The following SOCS2 variants were observed in gnomAD, a reference collection of about 807,000 sequenced individuals.
SOCS2 encodes the protein suppressor of cytokine signaling 2.
Under a neutral mutation model 18.6 loss-of-function variants are expected in SOCS2, and 10 were observed. The observed-to-expected ratio is 0.54, with a 90% confidence interval of 0.33 to 0.91. SOCS2 has a LOEUF of 0.91. SOCS2 is among the 40% of genes least tolerant of loss of function. SOCS2 has a pLI of 0.02. For synonymous variants in SOCS2, 104 were observed against 104.0 expected (o/e 1.00, Z 0.00); for missense variants, 231 against 247.2 (o/e 0.93, Z 0.44).
the SOCS2 span, among the ~76,000 whole-genome samples, chr12:93,597,465 G>A: frequency 2.6e-5 from 4 of 151,828 alleles, no homozygotes; most frequent in African/African-American, 7.3e-5. Flanking sequence ...ACAGTTGTGC[G>A]CCACCACACC....
upstream of SOCS2, chr12:93,570,313 A>T (rs978871613): frequency 6.6e-6 from 1 of 152,580 alleles, no homozygotes; most frequent in East Asian, 1.9e-4. Context: ...TGCGGGTGAC[A>T]AGGAGCCGGA....
the SOCS2 span, among the ~76,000 whole-genome samples, chr12:93,619,107 C>T: frequency 3.9e-5 from 6 of 152,182 alleles, no homozygotes; most frequent in Non-Finnish European, 5.9e-5. Flanking sequence ...CTATCCCCAC[C>T]GGTAGAACTG....
chr12:93,613,140 T>A, the SOCS2 span, among the ~76,000 whole-genome samples: 1 of 152,174 alleles, frequency 6.6e-6, no homozygotes. Flanking sequence ...GAAGCCAATA[T>A]CTGAAGGCTC....
the SOCS2 span, among the ~76,000 whole-genome samples, chr12:93,588,939 TGATA>T: frequency 1.3e-5 from 2 of 152,176 alleles, no homozygotes; most frequent in Non-Finnish European, 2.9e-5. Context: ...GTGAATTTGT[TGATA>T]GATCAGGGAC....
chr12:93,580,092 AT>A (rs1291716284), downstream of SOCS2, among the ~76,000 whole-genome samples: 3 of 152,218 alleles, frequency 2.0e-5, no homozygotes, highest in African/African-American at 7.2e-5. Flanking sequence ...CTGTCTCAGC[AT>A]AAATGCCACC....
At chr12:93,608,101 A>C in the SOCS2 span, among the ~76,000 whole-genome samples, 1 of 151,480 alleles carries the variant, frequency 6.6e-6, no homozygotes, top group Admixed American at 6.6e-5. Context: ...CCTGAGCTCA[A>C]GTGATCCTCC....
At chr12:93,572,100 G>C, upstream of SOCS2, 1 of 173,288 alleles carries the variant, frequency 5.8e-6, no homozygotes, top group Non-Finnish European at 1.2e-5. The surrounding 1 kb of genome is among the most constrained non-coding windows in gnomAD (Gnocchi z 5.0). Flanking sequence ...CCCCAACCCC[G>C]CCAGAGCGGG....
downstream of SOCS2, among the ~76,000 whole-genome samples, chr12:93,580,437 A>G (rs917074264): frequency 3.3e-5 from 5 of 152,096 alleles, no homozygotes; most frequent in South Asian, 2.1e-4. Context: ...CCTGGCCAAC[A>G]TGGCGAAACC....
At chr12:93,610,375 G>A in the SOCS2 span, among the ~76,000 whole-genome samples, 1 of 152,070 alleles carries the variant, frequency 6.6e-6, no homozygotes, top group Admixed American at 6.5e-5. Context: ...CAACTTCCTG[G>A]ACCCCCACCT....
At chr12:93,625,119 A>G in the SOCS2 span, among the ~76,000 whole-genome samples, 1 of 152,136 alleles carries the variant, frequency 6.6e-6, no homozygotes, top group Non-Finnish European at 1.5e-5. Flanking sequence ...CTTACTGGTT[A>G]TTTCCCATGC....
At chr12:93,610,062 G>A in the SOCS2 span, among the ~76,000 whole-genome samples, 13 of 152,142 alleles carry the variant, frequency 8.5e-5, no homozygotes, top group Non-Finnish European at 1.6e-4. Flanking sequence ...ACCTTTTAAA[G>A]GTCCCATCTC....
Position 93,572,991 on chromosome 12 carries a change from C to A in SOCS2, c.94C>A (p.Gln32Lys). The change falls in exon 1 of 2, where the codon CAG becomes AAG. Residue 32 changes from glutamine (Q) to lysine (K), a missense_variant. By Grantham distance (53) the Gln-to-Lys change is moderately conservative (BLOSUM62 1). Around this residue, in one of 3 missense-constraint regions of SOCS2, gnomAD observed 106 missense variants for 103.8 expected, o/e 1.02. Coordinates refer to ENST00000551556, the MANE Select transcript of SOCS2 (RefSeq NM_001270471.2). This position sits in a 1 kb window ranked among gnomAD's most constrained non-coding sequence, Gnocchi z 5.0. ...TAGSAEEPSP[Q>K]AARLAKALRE... ...GGGGTCGGCGGAGGAGCCATCCCCG[C>A]AGGCGGCGCGTCTGGCGAAGGCCCT... The A allele has an allele frequency of 6.4e-7, 1 of 1,570,238 alleles. No homozygotes were observed. The highest frequency in any genetic ancestry group is 8.6e-7 in the Non-Finnish European group (1 of 1,159,348).
At chr12:93,589,640 T>A in the SOCS2 span, among the ~76,000 whole-genome samples, 5 of 152,220 alleles carry the variant, frequency 3.3e-5, no homozygotes, top group African/African-American at 9.7e-5. Flanking sequence ...AGACTGCAGA[T>A]GTTGCAGTGT....
chr12:93,572,808 G>C lies in SOCS2; in HGVS notation c.-90G>C. 1 of 1,518,938 alleles carries C rather than the reference G, an allele frequency of 6.6e-7. No individual in the cohort carries two copies. The highest frequency in any genetic ancestry group is 8.9e-7 in the Non-Finnish European group (1 of 1,120,028). 94.1% of individuals were successfully genotyped at this position (1,518,938 alleles called of 1,614,324 possible). On this transcript the variant is annotated 5_prime_UTR_variant, in exon 1 of 2. Coordinates refer to ENST00000551556, the MANE Select transcript of SOCS2 (RefSeq NM_001270471.2). The surrounding 1 kb of genome is among the most constrained non-coding windows in gnomAD (Gnocchi z 5.0). ...GGACACCCCGCAGGGACTCGTTTTG[G>C]GATTCGCACTGACTTCAAGGAAGGA...
At chr12:93,581,237 G>A (rs144140054), downstream of SOCS2, among the ~76,000 whole-genome samples, 108 of 152,312 alleles carry the variant, frequency 7.1e-4, no homozygotes, top group African/African-American at 2.5e-3. Context: ...ATAGGCAGAT[G>A]CTATAAATTA....
the SOCS2 span, among the ~76,000 whole-genome samples, chr12:93,607,443 T>C: frequency 2.0e-5 from 3 of 152,134 alleles, no homozygotes. Flanking sequence ...GAGTTCACAT[T>C]TGACATTTTT....
chr12:93,614,430 C>CTTTCTTT, the SOCS2 span, among the ~76,000 whole-genome samples: 1 of 17,944 alleles, frequency 5.6e-5, no homozygotes, highest in African/African-American at 4.0e-4. Context: ...CCTTTCTTTC[C>CTTTCTTT]CTTCCTTCCT....
chr12:93,572,924 C>T lies in SOCS2; in HGVS notation c.27C>T (p.Ser9=), dbSNP rs776412273. The part of the protein sequence containing the change: MTLRCLEP[S]GNGGEGTRSQ... ...TGACCCTGCGGTGCCTTGAGCCCTCCGGGAATGGCGGGGAAGGGACGCGGA... is the reference window on the plus strand; with the variant it reads ...TGACCCTGCGGTGCCTTGAGCCCTCTGGGAATGGCGGGGAAGGGACGCGGA... The change falls in exon 1 of 2, where the codon TCC becomes TCT. Residue 9 remains serine (S), a synonymous_variant. Coordinates refer to ENST00000551556, the MANE Select transcript of SOCS2 (RefSeq NM_001270471.2). This position sits in a 1 kb window ranked among gnomAD's most constrained non-coding sequence, Gnocchi z 5.0. The T allele has an allele frequency of 1.3e-5, 21 of 1,581,004 alleles. No individual in the cohort carries two copies. Among genetic ancestry groups the T allele is most frequent in the Non-Finnish European group, 1.5e-5 (18 of 1,163,164 alleles).
downstream of SOCS2, among the ~76,000 whole-genome samples, chr12:93,579,265 A>G (rs548864879): frequency 2.6e-5 from 4 of 152,278 alleles, no homozygotes; most frequent in South Asian, 8.3e-4. Context: ...TGCCCTCTTG[A>G]CTTATCTAAC....
Sources: allele counts gnomAD v4.1 joint callset (sites outside exome capture counted in the v4.1 genomes callset), GRCh38; gene constraint gnomAD v4.1.1; regional missense constraint gnomAD v4.1.1; non-coding constraint Gnocchi (gnomAD v3.1); transcripts MANE v1.5; gene names NCBI Gene and HGNC (gene_info 2026-07-23, HGNC 2026-07-21).